Variants in FHIT observed in about 807,000 individuals in gnomAD.
The protein encoded by FHIT is bis(5'-adenosyl)-triphosphatase.
In FHIT, 19 loss-of-function variants were observed where a neutral mutation model predicts 17.9. That is an observed-to-expected ratio of 1.06 (90% confidence interval 0.74 to 1.56). The LOEUF (loss-of-function observed/expected upper bound fraction) is 1.56. Ranked by LOEUF, FHIT falls within the 40% of genes most tolerant of loss-of-function variation. The pLI, the probability that FHIT is intolerant of heterozygous loss-of-function variation, is 0.00. For missense variants in FHIT, 248 were observed against 189.2 expected, an observed-to-expected ratio of 1.31 and a Z score of -1.82; for synonymous variants, 81 against 69.7, an observed-to-expected ratio of 1.16 and a Z score of -0.81.
chr3:60,765,002 A>T lies in FHIT; in HGVS notation c.-18+56917T>A, dbSNP rs201950851. Among the ~76,000 whole-genome samples the T allele has an allele frequency of 5.3e-5, 8 of 152,288 alleles. No individual in the cohort carries two copies. The East Asian group carries it at 1.4e-3, about 26-fold the overall frequency. ...TACCTCAGTGGCACTGGTCTCAGTG[A>T]AACATCTTAATGTCTCTTCTCTCAG... On this transcript the variant is annotated intron_variant, in intron 4 of 9. Transcript: ENST00000492590.
rs76771167 is a variant in FHIT, at chr3:60,703,771, A to C, written c.-18+118148T>G. Among the ~76,000 whole-genome samples, 295 of 152,254 alleles carry C rather than the reference A, an allele frequency of 1.9e-3. 1 individual carries two copies. The highest frequency in any genetic ancestry group is 3.4e-3 in the Non-Finnish European group (228 of 68,008). ...TGTTACAAGTATCTTTTAATCTTTT[A>C]AAGTACCTGTTTTTAAATATCTAGT... On this transcript the variant is annotated intron_variant, in intron 4 of 9. Transcript: ENST00000492590.
rs563284118 is a variant in FHIT at position 60,952,799 on chromosome 3, A to C, written c.-111+89248T>G. On this transcript the variant is annotated intron_variant, in intron 3 of 9. Coordinates refer to ENST00000492590, the MANE Select transcript of FHIT (RefSeq NM_002012.4). Reference sequence around the variant, plus strand: ...GTCTGTACAAACAGATCTTGTTAAAATAATTCTTATCTTCCTTTAGCCTTT... The same window carrying C: ...GTCTGTACAAACAGATCTTGTTAAACTAATTCTTATCTTCCTTTAGCCTTT... Among the ~76,000 whole-genome samples, 17 of 152,308 alleles carry C rather than the reference A, an allele frequency of 1.1e-4. No individual in the cohort carries two copies. In the South Asian group the frequency reaches 3.3e-3, roughly 30 times the overall value.
intron 7 of FHIT, among the ~76,000 whole-genome samples, chr3:59,978,051 G>A (rs115340894): frequency 0.01 from 1,549 of 152,226 alleles, 32 homozygotes; most frequent in African/African-American, 0.035. Flanking sequence ...TGCTATGTAT[G>A]GGCTGTCATG....
chr3:60,377,257 G>A (rs1700602239), intron 5 of FHIT, among the ~76,000 whole-genome samples: 1 of 150,428 alleles, frequency 6.6e-6, no homozygotes, highest in Admixed American at 6.6e-5. Flanking sequence ...GGAGTGCAGT[G>A]GTGCGATCTC....
At chr3:61,181,621 T>G (rs1196343025) in intron 2 of FHIT, among the ~76,000 whole-genome samples, 1 of 152,178 alleles carries the variant, frequency 6.6e-6, no homozygotes. Flanking sequence ...TTCCCTCTCC[T>G]GGCTCTGCCT....
intron 3 of FHIT, among the ~76,000 whole-genome samples, chr3:60,895,455 C>T (rs1215772453): frequency 6.6e-6 from 1 of 152,174 alleles, no homozygotes; most frequent in African/African-American, 2.4e-5. Flanking sequence ...TTTTTTCTGA[C>T]TGTGTAAACA....
intron 5 of FHIT, among the ~76,000 whole-genome samples, chr3:60,334,517 T>C (rs1342143567): frequency 6.6e-6 from 1 of 152,242 alleles, no homozygotes; most frequent in Non-Finnish European, 1.5e-5. Flanking sequence ...GCCAGCACAG[T>C]GACTCACACC....
chr3:61,230,589 A>T (rs2040075942), intron 1 of FHIT, among the ~76,000 whole-genome samples: 1 of 152,122 alleles, frequency 6.6e-6, no homozygotes, highest in Non-Finnish European at 1.5e-5. Flanking sequence ...CACACACTTA[A>T]ATTTTCTGAT....
intron 3 of FHIT, among the ~76,000 whole-genome samples, chr3:60,971,750 T>G (rs1407900843): frequency 6.6e-6 from 1 of 152,220 alleles, no homozygotes; most frequent in Admixed American, 6.5e-5. Context: ...TGTTCTTTTC[T>G]CTTTTCCCAT....
chr3:60,156,542 A>G (rs962422930), intron 5 of FHIT, among the ~76,000 whole-genome samples: 5 of 152,106 alleles, frequency 3.3e-5, no homozygotes, highest in Non-Finnish European at 5.9e-5. Flanking sequence ...AGAGCCCAGG[A>G]GTTCAAGAAC....
intron 5 of FHIT, among the ~76,000 whole-genome samples, chr3:60,020,938 T>C (rs1700531235): frequency 1.3e-5 from 2 of 152,202 alleles, no homozygotes; most frequent in South Asian, 4.1e-4. Context: ...ATAAATACAA[T>C]TCTGAAGAAG....
At chr3:60,152,392 A>C (rs907140029) in intron 5 of FHIT, among the ~76,000 whole-genome samples, 3 of 152,234 alleles carry the variant, frequency 2.0e-5, no homozygotes, top group Admixed American at 6.5e-5. Flanking sequence ...GTGATGCACT[A>C]ACCAGAGAGC....
At chr3:60,865,770 C>T (rs1704132234) in intron 3 of FHIT, among the ~76,000 whole-genome samples, 1 of 152,048 alleles carries the variant, frequency 6.6e-6, no homozygotes, top group Non-Finnish European at 1.5e-5. Flanking sequence ...AAGGCTGAAG[C>T]AAAGAGAGGG....
intron 5 of FHIT, among the ~76,000 whole-genome samples, chr3:60,037,523 C>T (rs1701268882): frequency 6.6e-6 from 1 of 151,552 alleles, no homozygotes; most frequent in African/African-American, 2.4e-5. Context: ...GCTGGGACTA[C>T]AGGCACGCAC....
At chr3:60,701,371 G>A (rs917806949) in intron 4 of FHIT, among the ~76,000 whole-genome samples, 2 of 152,082 alleles carry the variant, frequency 1.3e-5, no homozygotes, top group Admixed American at 6.5e-5. Flanking sequence ...TTTAATTCAC[G>A]CAGAGCAGGC....
chr3:60,396,925 T>G (rs895019587), intron 5 of FHIT, among the ~76,000 whole-genome samples: 4 of 152,196 alleles, frequency 2.6e-5, no homozygotes, highest in African/African-American at 9.7e-5. Context: ...AACTTTATCC[T>G]CCTCATATCT....
chr3:60,732,965 C>G (rs1286307789), intron 4 of FHIT, among the ~76,000 whole-genome samples: 1 of 152,098 alleles, frequency 6.6e-6, no homozygotes, highest in Non-Finnish European at 1.5e-5. Context: ...GGATTACAGG[C>G]GTGAGCCACC....
At chr3:61,121,547 T>C (rs1280821779) in intron 2 of FHIT, among the ~76,000 whole-genome samples, 2 of 152,150 alleles carry the variant, frequency 1.3e-5, no homozygotes, top group African/African-American at 4.8e-5. Context: ...CTGAGAAATG[T>C]TGTCACCACC....
chr3:60,322,591 C>T (rs1709483614), intron 5 of FHIT, among the ~76,000 whole-genome samples: 1 of 152,150 alleles, frequency 6.6e-6, no homozygotes, highest in Non-Finnish European at 1.5e-5. Flanking sequence ...ATTCAGCTCC[C>T]ACAACTGATA....
Sources: gnomAD v4.1 joint callset for allele counts (sites outside exome capture counted in the v4.1 genomes callset) on GRCh38, gnomAD v4.1.1 for gene constraint, MANE v1.5 for transcripts, NCBI Gene and HGNC (gene_info 2026-07-23, HGNC 2026-07-21) for gene names.